GRM1: variants seen among roughly 807,000 people sequenced by gnomAD.
GRM1 encodes the protein glutamate metabotropic receptor 1.
Under a neutral mutation model 90.9 loss-of-function variants are expected in GRM1, and 33 were observed. The observed-to-expected ratio is 0.36, with a 90% CI of 0.28 to 0.49. GRM1 has a LOEUF of 0.49. GRM1 is among the 20% of genes least tolerant of loss of function. The probability of loss-of-function intolerance (pLI) is 0.99; values close to 1 mark genes in which losing one functional copy is unlikely to be tolerated. For synonymous variants in GRM1, 700 were observed against 613.2 expected, an observed-to-expected ratio of 1.14 and a Z score of -2.09; for missense variants, 1,190 against 1,534.3, an observed-to-expected ratio of 0.78 and a Z score of 3.75.
chr6:146,361,162 A>G (rs1775452411), intron 5 of GRM1, among the ~76,000 whole-genome samples: 1 of 152,210 alleles, frequency 6.6e-6, no homozygotes, highest in Non-Finnish European at 1.5e-5. Flanking sequence ...TGGGTCTCCT[A>G]TGGTCTGACC....
At chr6:146,034,375 A>G (rs1235776807) in intron 1 of GRM1, among the ~76,000 whole-genome samples, 1 of 151,970 alleles carries the variant, frequency 6.6e-6, no homozygotes, top group Admixed American at 6.6e-5. Context: ...TTCCCTTACC[A>G]TCATAGCTGA....
At chr6:146,287,057 T>C (rs1782792817) in intron 2 of GRM1, among the ~76,000 whole-genome samples, 1 of 152,198 alleles carries the variant, frequency 6.6e-6, no homozygotes, top group Non-Finnish European at 1.5e-5. Flanking sequence ...GAAAAAAGAA[T>C]ACAGCTTCAA....
intron 3 of GRM1, among the ~76,000 whole-genome samples, chr6:146,338,313 G>C (rs1223410876): frequency 6.6e-6 from 1 of 152,190 alleles, no homozygotes; most frequent in African/African-American, 2.4e-5. Flanking sequence ...GCATGGAAAA[G>C]ACAGAGCAGG....
rs1482135025 is a variant in GRM1 at position 146,086,824 on chromosome 6, C to T, written c.700+56607C>T. Among the ~76,000 whole-genome samples, 4 of 152,086 alleles carry T rather than the reference C, an allele frequency of 2.6e-5. No homozygotes were observed. In the East Asian group the frequency reaches 7.8e-4, roughly 30 times the overall value. On this transcript the variant is annotated intron_variant, in intron 1 of 7. Coordinates refer to ENST00000282753, the MANE Select transcript of GRM1 (RefSeq NM_001278064.2). ...GTTAGCCAGGGATAGTAGTCATTCC[C>T]TACTCTAATTCTCATCCCAAGTATG...
At chr6:146,287,208 C>T (rs1010782399) in intron 2 of GRM1, among the ~76,000 whole-genome samples, 12 of 152,148 alleles carry the variant, frequency 7.9e-5, no homozygotes, top group African/African-American at 2.9e-4. Flanking sequence ...TTTAGAGACT[C>T]TTCCCATAAT....
chr6:146,311,174 A>G (rs141598389), intron 3 of GRM1, among the ~76,000 whole-genome samples: 1 of 152,324 alleles, frequency 6.6e-6, no homozygotes, highest in African/African-American at 2.4e-5. Flanking sequence ...TAGATCCTGC[A>G]ATCAAAAGAA....
intron 2 of GRM1, among the ~76,000 whole-genome samples, chr6:146,228,794 T>C (rs1780342444): frequency 6.6e-6 from 1 of 152,220 alleles, no homozygotes; most frequent in Non-Finnish European, 1.5e-5. Context: ...TTCCTGTAGC[T>C]TCTCCAATTT....
At position 146,166,605 on chromosome 6, in the gene GRM1, A is replaced by G. The variant is rs189870075; in HGVS notation, c.950+7008A>G. Among the ~76,000 whole-genome samples, 90 of 152,252 alleles carry G rather than the reference A, an allele frequency of 5.9e-4. 1 individual carries two copies. The highest frequency in any genetic ancestry group is 2.0e-3 in the African/African-American group (82 of 41,578). ...CTTCTCCTGCTGCCCAAATTGGCCT[A>G]CTGACCTGCCCTCTGAAAACACAGT... is the stretch of plus-strand genomic sequence containing the variant. On this transcript the variant is annotated intron_variant, in intron 2 of 7. Transcript: ENST00000282753.
chr6:146,388,284 G>T (rs919922066), intron 6 of GRM1, among the ~76,000 whole-genome samples: 1 of 151,994 alleles, frequency 6.6e-6, no homozygotes, highest in Non-Finnish European at 1.5e-5. Flanking sequence ...GGAAAATAGT[G>T]AGAAGCAGAA....
chr6:146,404,994 A>G (rs564785611), intron 7 of GRM1, among the ~76,000 whole-genome samples: 2 of 152,320 alleles, frequency 1.3e-5, no homozygotes, highest in South Asian at 4.1e-4. Flanking sequence ...CTAGACTTGA[A>G]ATACCAGTTA....
intron 2 of GRM1, among the ~76,000 whole-genome samples, chr6:146,200,948 T>C (rs919580602): frequency 6.6e-6 from 1 of 152,184 alleles, no homozygotes; most frequent in African/African-American, 2.4e-5. Flanking sequence ...TCTGCTCATT[T>C]CTTGGCTGTT....
At chr6:146,290,046 T>A (rs1387177276) in intron 2 of GRM1, among the ~76,000 whole-genome samples, 1 of 152,198 alleles carries the variant, frequency 6.6e-6, no homozygotes, top group Admixed American at 6.5e-5. Context: ...GCTCAGCCTG[T>A]CCAGATTACA....
At chr6:146,110,551 A>T (rs1014920880) in intron 1 of GRM1, among the ~76,000 whole-genome samples, 1 of 152,022 alleles carries the variant, frequency 6.6e-6, no homozygotes. Context: ...CTACTATCCC[A>T]CAGATGGCAT....
At chr6:146,262,602 A>C (rs1171242035) in intron 2 of GRM1, among the ~76,000 whole-genome samples, 1 of 151,944 alleles carries the variant, frequency 6.6e-6, no homozygotes, top group Non-Finnish European at 1.5e-5. Flanking sequence ...TATATTATAC[A>C]CTCAACATGT....
chr6:146,065,789 G>C (rs146638084), intron 1 of GRM1, among the ~76,000 whole-genome samples: 108 of 152,270 alleles, frequency 7.1e-4, no homozygotes, highest in African/African-American at 2.5e-3. Flanking sequence ...ACTCCCTATG[G>C]GGAAATGTTG....
At chr6:146,327,639 A>T (rs1326942434) in intron 3 of GRM1, among the ~76,000 whole-genome samples, 1 of 152,178 alleles carries the variant, frequency 6.6e-6, no homozygotes, top group Non-Finnish European at 1.5e-5. Context: ...GGGAGGAAGG[A>T]TCAAAGTGGA....
intron 2 of GRM1, 25 bp from the exon 3 acceptor site, chr6:146,304,586 C>T: frequency 6.8e-7 from 1 of 1,464,082 alleles, no homozygotes; most frequent in Non-Finnish European, 9.6e-7. Flanking sequence ...TTCTCTCTCC[C>T]TACCCCAATC....
At chr6:146,251,282 T>C (rs572398053) in intron 2 of GRM1, among the ~76,000 whole-genome samples, 11 of 152,278 alleles carry the variant, frequency 7.2e-5, no homozygotes, top group African/African-American at 2.6e-4. Flanking sequence ...TTTCTCCCAC[T>C]CTAATTTAAT....
intron 3 of GRM1, among the ~76,000 whole-genome samples, chr6:146,314,508 A>C (rs1274789321): frequency 6.6e-6 from 1 of 152,172 alleles, no homozygotes; most frequent in Non-Finnish European, 1.5e-5. Context: ...TTGCATAAGC[A>C]TATTCTTTCA....
Sources: allele counts gnomAD v4.1 joint callset (sites outside exome capture counted in the v4.1 genomes callset), GRCh38; gene constraint gnomAD v4.1.1; transcripts MANE v1.5; gene names NCBI Gene and HGNC (gene_info 2026-07-23, HGNC 2026-07-21).